Variants in EEIG1 observed in about 807,000 individuals in gnomAD.
EEIG1 encodes the protein early estrogen-induced gene 1 protein.
At chr9:127,942,703 GC>G in the EEIG1 span, 3 of 168,456 alleles carry the variant, frequency 1.8e-5, no homozygotes, top group South Asian at 1.3e-4. Flanking sequence ...AGGTGGTCTG[GC>G]CCCCCCACCA....
chr9:127,951,749 G>A, the EEIG1 span, among the ~76,000 whole-genome samples: 11 of 150,978 alleles, frequency 7.3e-5, no homozygotes, highest in Admixed American at 4.6e-4. Context: ...CCCGGGAGGC[G>A]GAGCTTGTAG....
chr9:127,950,502 C>T, the EEIG1 span: 6 of 1,613,892 alleles, frequency 3.7e-6, no homozygotes, highest in African/African-American at 2.7e-5. Flanking sequence ...GGAGCCCGAG[C>T]CCGCAAACTC....
chr9:127,963,726 A>G, the EEIG1 span: 1 of 152,328 alleles, frequency 6.6e-6, no homozygotes, highest in Non-Finnish European at 1.5e-5. Context: ...ACAGACCTGT[A>G]TCCCAAATCG....
At chr9:127,969,028 C>G in the EEIG1 span, among the ~76,000 whole-genome samples, 52 of 152,362 alleles carry the variant, frequency 3.4e-4, no homozygotes, top group African/African-American at 1.3e-3. Context: ...ATCCCAAGAG[C>G]CTGGCCTTGG....
the EEIG1 span, chr9:127,953,956 G>C: frequency 6.2e-7 from 1 of 1,612,116 alleles, no homozygotes. Context: ...GTGAGCACAG[G>C]CACACACATC....
chr9:127,966,680 G>A, the EEIG1 span, among the ~76,000 whole-genome samples: 1 of 152,214 alleles, frequency 6.6e-6, no homozygotes, highest in Non-Finnish European at 1.5e-5. Flanking sequence ...GTAAACTACT[G>A]GCTTTAACCA....
chr9:127,944,525 C>A, the EEIG1 span: 2 of 907,660 alleles, frequency 2.2e-6, no homozygotes, highest in South Asian at 2.9e-5. Context: ...CAAGATTTGG[C>A]GTTCAAGGCC....
chr9:127,967,935 C>A, the EEIG1 span, among the ~76,000 whole-genome samples: 3 of 149,686 alleles, frequency 2.0e-5, no homozygotes, highest in Non-Finnish European at 3.0e-5. Flanking sequence ...CCCCTACCTT[C>A]TTCTCCACCC....
chr9:127,969,096 A>G, the EEIG1 span, among the ~76,000 whole-genome samples: 1 of 152,110 alleles, frequency 6.6e-6, no homozygotes, highest in Non-Finnish European at 1.5e-5. Context: ...GGGCTGCTAC[A>G]CCCCAAGGTC....
chr9:127,966,645 G>A, the EEIG1 span, among the ~76,000 whole-genome samples: 2 of 152,192 alleles, frequency 1.3e-5, no homozygotes, highest in African/African-American at 2.4e-5. Flanking sequence ...CCCAAGAGGC[G>A]AGCAGGCCAT....
the EEIG1 span, among the ~76,000 whole-genome samples, chr9:127,947,671 C>G: frequency 6.6e-6 from 1 of 152,178 alleles, no homozygotes; most frequent in Non-Finnish European, 1.5e-5. Flanking sequence ...GCCTCACCCC[C>G]TGAATGCAGC....
chr9:127,945,580 G>A, the EEIG1 span: 1 of 1,563,100 alleles, frequency 6.4e-7, no homozygotes, highest in African/African-American at 1.4e-5. The surrounding 1 kb of genome is among the most constrained non-coding windows in gnomAD (Gnocchi z 6.5). Flanking sequence ...GGGCGACGCA[G>A]GGGAGCATCA....
the EEIG1 span, among the ~76,000 whole-genome samples, chr9:127,972,318 G>A: frequency 6.6e-6 from 1 of 152,070 alleles, no homozygotes; most frequent in East Asian, 1.9e-4. The surrounding 1 kb of genome is among the most constrained non-coding windows in gnomAD (Gnocchi z 4.3). Context: ...ACCCTGCCCC[G>A]AGTGCAAAGT....
chr9:127,968,741 C>T, the EEIG1 span, among the ~76,000 whole-genome samples: 1 of 152,168 alleles, frequency 6.6e-6, no homozygotes, highest in African/African-American at 2.4e-5. Flanking sequence ...GTGAATCGCT[C>T]CGCCAAAGTC....
At chr9:127,940,796 A>C in the EEIG1 span, 1 of 151,988 alleles carries the variant, frequency 6.6e-6, no homozygotes, top group East Asian at 1.9e-4. Flanking sequence ...CCCTAAAGAC[A>C]GAGGAGAACA....
the EEIG1 span, among the ~76,000 whole-genome samples, chr9:127,973,949 C>T: frequency 1.3e-5 from 2 of 152,170 alleles, no homozygotes; most frequent in African/African-American, 2.4e-5. The surrounding 1 kb of genome is among the most constrained non-coding windows in gnomAD (Gnocchi z 4.2). Flanking sequence ...AGCCAAACGC[C>T]GCCACACAGC....
At chr9:127,953,936 GAGGCGAC>G in the EEIG1 span, 1 of 1,613,272 alleles carries the variant, frequency 6.2e-7, no homozygotes, top group East Asian at 2.2e-5. Context: ...CTGTGGGCCA[GAGGCGAC>G]AGGTGAGCAC....
chr9:127,953,844 G>T, the EEIG1 span: 9 of 1,614,014 alleles, frequency 5.6e-6, no homozygotes, highest in Non-Finnish European at 7.6e-6. Flanking sequence ...GGTCCAGCAG[G>T]CCGGTGGCCG....
chr9:127,975,316 G>A, the EEIG1 span, among the ~76,000 whole-genome samples: 10 of 152,272 alleles, frequency 6.6e-5, no homozygotes, highest in African/African-American at 2.2e-4. Flanking sequence ...TGTGGTGGGC[G>A]GCCACGCGCC....
Sources: allele counts gnomAD v4.1 joint callset (sites outside exome capture counted in the v4.1 genomes callset), GRCh38; gene constraint gnomAD v4.1.1; non-coding constraint Gnocchi (gnomAD v3.1); transcripts MANE v1.5; gene names NCBI Gene and HGNC (gene_info 2026-07-23, HGNC 2026-07-21).